LDLRAD4: variants seen among roughly 807,000 people sequenced by gnomAD.
The protein encoded by LDLRAD4 is low density lipoprotein receptor class A domain containing 4.
LDLRAD4 carries 5 observed loss-of-function variants against 17.0 expected under a neutral mutation model. That is an observed-to-expected ratio of 0.29 (90% CI 0.15 to 0.62). The LOEUF (loss-of-function observed/expected upper bound fraction) is 0.62, where lower values mean the gene tolerates loss of function less well. LDLRAD4 is among the 20% of genes least tolerant of loss of function. LDLRAD4 has a pLI of 0.84. For synonymous variants in LDLRAD4, 168 were observed against 171.8 expected (o/e 0.98, Z 0.17); for missense variants, 340 against 424.7 (o/e 0.80, Z 1.75).
intron 1 of LDLRAD4, among the ~76,000 whole-genome samples, chr18:13,328,031 C>T (rs991009474): frequency 6.6e-6 from 1 of 152,182 alleles, no homozygotes; most frequent in East Asian, 1.9e-4. Flanking sequence ...TCGCTGACCA[C>T]CATCAGGCTC....
chr18:13,479,507 G>T (rs557121831), intron 3 of LDLRAD4, among the ~76,000 whole-genome samples: 1 of 152,290 alleles, frequency 6.6e-6, no homozygotes, highest in South Asian at 2.1e-4. Flanking sequence ...TGTAATCCCA[G>T]CTACTTGGGA....
intron 1 of LDLRAD4, among the ~76,000 whole-genome samples, chr18:13,381,925 G>A (rs1202401339): frequency 1.3e-5 from 2 of 152,152 alleles, no homozygotes; most frequent in African/African-American, 4.8e-5. Context: ...CCGAGGTTTA[G>A]AATGACCTCT....
intron 1 of LDLRAD4, among the ~76,000 whole-genome samples, chr18:13,259,264 A>AG (rs2043673761): frequency 6.6e-6 from 1 of 151,902 alleles, no homozygotes; most frequent in African/African-American, 2.4e-5. Flanking sequence ...CTGCAGCCTC[A>AG]TACTCCACAA....
At chr18:13,417,033 G>T (rs192281953) in intron 2 of LDLRAD4, among the ~76,000 whole-genome samples, 337 of 152,326 alleles carry the variant, frequency 2.2e-3, no homozygotes, top group Non-Finnish European at 3.9e-3. Context: ...GTAAGTAGTA[G>T]AGCCAGCTTC....
intron 1 of LDLRAD4, among the ~76,000 whole-genome samples, chr18:13,325,960 G>A (rs1200283712): frequency 2.6e-5 from 4 of 151,958 alleles, no homozygotes; most frequent in Non-Finnish European, 4.4e-5. Flanking sequence ...GTAGAGACGG[G>A]GTTTCACTGT....
At chr18:13,337,740 T>TAAAAAAAAAAAAAAAAAAAAA (rs5823248) in intron 1 of LDLRAD4, among the ~76,000 whole-genome samples, 5 of 135,724 alleles carry the variant, frequency 3.7e-5, no homozygotes, top group Admixed American at 7.2e-5. Flanking sequence ...TTACAAAAAG[T>TAAAAAAAAAAAAAAAAAAAAA]AAAAAAAAAA....
At chr18:13,337,860 A>G (rs1022923049) in intron 1 of LDLRAD4, among the ~76,000 whole-genome samples, 3 of 151,890 alleles carry the variant, frequency 2.0e-5, no homozygotes, top group Admixed American at 2.0e-4. Context: ...GGCCATCTCT[A>G]AAAAAAAGAA....
intron 3 of LDLRAD4, among the ~76,000 whole-genome samples, chr18:13,478,245 C>A (rs192754172): frequency 1.3e-5 from 2 of 152,298 alleles, no homozygotes. Context: ...TCCACCCAGG[C>A]CTGCTGTAGC....
intron 1 of LDLRAD4, among the ~76,000 whole-genome samples, chr18:13,323,520 G>A (rs780157934): frequency 1.3e-5 from 2 of 152,136 alleles, no homozygotes; most frequent in African/African-American, 2.4e-5. Flanking sequence ...TATTTGACAG[G>A]GCCGTGACTC....
chr18:13,468,471 A>G (rs1479954902), intron 3 of LDLRAD4, among the ~76,000 whole-genome samples: 2 of 152,168 alleles, frequency 1.3e-5, no homozygotes, highest in Non-Finnish European at 2.9e-5. Context: ...AACTAGAAAT[A>G]CCATTTGACC....
chr18:13,224,670 C>T (rs1034774552), intron 1 of LDLRAD4, among the ~76,000 whole-genome samples: 11 of 151,368 alleles, frequency 7.3e-5, no homozygotes, highest in East Asian at 1.9e-4. Flanking sequence ...TTAGTAGAGA[C>T]GGGGTTTCAG....
At chr18:13,413,723 C>A (rs932742523) in intron 2 of LDLRAD4, among the ~76,000 whole-genome samples, 7 of 152,124 alleles carry the variant, frequency 4.6e-5, no homozygotes, top group Non-Finnish European at 8.8e-5. Flanking sequence ...TAGTGATTTG[C>A]ATTCTTTAGT....
At chr18:13,336,059 G>A (rs969321264) in intron 1 of LDLRAD4, among the ~76,000 whole-genome samples, 2 of 152,164 alleles carry the variant, frequency 1.3e-5, no homozygotes, top group Admixed American at 6.5e-5. Flanking sequence ...TGGAGCTGGC[G>A]TGTGCGGAGA....
chr18:13,533,464 T>A (rs1255003256), intron 3 of LDLRAD4, among the ~76,000 whole-genome samples: 1 of 152,244 alleles, frequency 6.6e-6, no homozygotes, highest in Admixed American at 6.5e-5. Context: ...CATTTACACT[T>A]AGCTTATGAT....
At chr18:13,322,017 G>A (rs532773574) in intron 1 of LDLRAD4, among the ~76,000 whole-genome samples, 2 of 150,004 alleles carry the variant, frequency 1.3e-5, no homozygotes, top group Non-Finnish European at 3.0e-5. Context: ...CAAAAAACTA[G>A]CAATGCTTGT....
At chr18:13,289,109 C>T (rs1449759294) in intron 1 of LDLRAD4, among the ~76,000 whole-genome samples, 1 of 152,234 alleles carries the variant, frequency 6.6e-6, no homozygotes, top group African/African-American at 2.4e-5. Flanking sequence ...TCAGAAGGCT[C>T]CACTGCTTGG....
intron 2 of LDLRAD4, among the ~76,000 whole-genome samples, chr18:13,390,986 C>T (rs997179723): frequency 2.0e-5 from 3 of 152,190 alleles, no homozygotes; most frequent in East Asian, 3.9e-4. Context: ...CACACTCTGC[C>T]TGCCCAGGCA....
chr18:13,454,589 G>C (rs939434835), intron 3 of LDLRAD4, among the ~76,000 whole-genome samples: 13 of 152,338 alleles, frequency 8.5e-5, no homozygotes, highest in African/African-American at 3.1e-4. Context: ...GGCAGCCAGA[G>C]GCTATCTGCT....
intron 3 of LDLRAD4, among the ~76,000 whole-genome samples, chr18:13,463,766 C>G (rs537076712): frequency 6.6e-6 from 1 of 152,292 alleles, no homozygotes; most frequent in African/African-American, 2.4e-5. Flanking sequence ...GACAGCCACC[C>G]CCGCCTTTAG....
Sources: allele counts gnomAD v4.1 joint callset (sites outside exome capture counted in the v4.1 genomes callset), GRCh38; gene constraint gnomAD v4.1.1; transcripts MANE v1.5; gene names NCBI Gene and HGNC (gene_info 2026-07-23, HGNC 2026-07-21).